Variants in VASP observed in about 807,000 individuals in gnomAD.
The protein encoded by VASP is vasodilator-stimulated phosphoprotein.
In VASP, 27 loss-of-function variants were observed where a neutral mutation model predicts 54.4. The ratio of observed to expected loss-of-function variants is 0.50; its 90% confidence interval spans 0.37 to 0.68. The LOEUF (loss-of-function observed/expected upper bound fraction) is 0.68. Among genes scored for constraint, VASP ranks in the 30% least tolerant of loss-of-function variants. The pLI is 0.00. For missense variants in VASP, 488 were observed against 528.3 expected (o/e 0.92, Z 0.75); for synonymous variants, 233 against 209.8 (o/e 1.11, Z -0.96).
At chr19:45,519,894 C>CCTTTT (rs1472794089) in intron 3 of VASP, among the ~76,000 whole-genome samples, 1 of 50,974 alleles carries the variant, frequency 2.0e-5, no homozygotes, top group Admixed American at 2.8e-4. Flanking sequence ...TGCGCCCGGC[C>CCTTTT]TTTTTTTTTT....
At chr19:45,513,085 T>A (rs1968632254) in intron 1 of VASP, among the ~76,000 whole-genome samples, 1 of 152,198 alleles carries the variant, frequency 6.6e-6, no homozygotes, top group Admixed American at 6.5e-5. Context: ...CCTCTGTGCC[T>A]GCAATTCCCC....
intron 1 of VASP, among the ~76,000 whole-genome samples, chr19:45,511,620 C>G (rs1417760943): frequency 1.3e-5 from 2 of 152,150 alleles, no homozygotes; most frequent in Non-Finnish European, 2.9e-5. Flanking sequence ...TGGAAATGGG[C>G]AGAACTCCTT....
At chr19:45,519,476 T>TA (rs1343775954) in intron 3 of VASP, among the ~76,000 whole-genome samples, 1 of 150,934 alleles carries the variant, frequency 6.6e-6, no homozygotes, top group Non-Finnish European at 1.5e-5. Flanking sequence ...TTTTTTTTTT[T>TA]ACTTTTTGTG....
Position 45,523,673 on chromosome 19 carries a change from C to A in VASP, c.851C>A (p.Thr284Asn). 6.2e-7 allele frequency: 1 copy of A among 1,614,046 alleles called. No individual in the cohort carries two copies. The highest frequency in any genetic ancestry group is 8.5e-7 in the Non-Finnish European group (1 of 1,180,014). Residue 284 changes from threonine (T) to asparagine (N), a missense_variant, in exon 8 of 13, where the codon ACC (threonine) becomes AAC (asparagine). Thr to Asn is a moderately conservative substitution (Grantham distance 65). Transcript: ENST00000245932. ...RRKATQVGEKTPKDESANQEE... is the reference protein window; with the variant it reads ...RRKATQVGEKNPKDESANQEE... Reference sequence around the variant, plus strand: ...AAAGCCACGCAAGTTGGGGAGAAAACCCCCAAGGATGAATCTGCCAATGTA... The same window carrying A: ...AAAGCCACGCAAGTTGGGGAGAAAAACCCCAAGGATGAATCTGCCAATGTA...
At chr19:45,514,773 C>T (rs2122298031) in intron 1 of VASP, among the ~76,000 whole-genome samples, 1 of 152,198 alleles carries the variant, frequency 6.6e-6, no homozygotes, top group East Asian at 1.9e-4. Flanking sequence ...CCTGCCTTGC[C>T]AGGGGCAGCA....
At chr19:45,511,767 A>T (rs1320456015) in intron 1 of VASP, among the ~76,000 whole-genome samples, 1 of 152,212 alleles carries the variant, frequency 6.6e-6, no homozygotes, top group African/African-American at 2.4e-5. Flanking sequence ...ATGATAAGAA[A>T]ACAAATAATA....
At chr19:45,509,517 CCCACCACCA>C (rs3038808) in intron 1 of VASP, among the ~76,000 whole-genome samples, 3 of 150,982 alleles carry the variant, frequency 2.0e-5, no homozygotes, top group Non-Finnish European at 4.4e-5. Flanking sequence ...CCCTGTCCTC[CCCACCACCA>C]CCACCACCAC....
At chr19:45,517,900 C>G in intron 2 of VASP, 29 bp from the exon 3 acceptor site, 1 of 1,596,038 alleles carries the variant, frequency 6.3e-7, no homozygotes, top group Non-Finnish European at 8.5e-7. Context: ...GCGCCCGCCG[C>G]CCCTCACCCC....
At chr19:45,521,742 T>C (rs1310335927) in intron 4 of VASP, among the ~76,000 whole-genome samples, 4 of 151,784 alleles carry the variant, frequency 2.6e-5, no homozygotes, top group Non-Finnish European at 5.9e-5. Context: ...TAACAAAAAT[T>C]AGCCGGTCAT....
At chr19:45,524,872 T>G in intron 11 of VASP, 2 of 474,816 alleles carry the variant, frequency 4.2e-6, no homozygotes, top group Non-Finnish European at 3.9e-6. Flanking sequence ...ACCGCGCTCA[T>G]TCCAGATGAG....
In VASP at chr19:45,524,185, C is replaced by A. The variant is rs1968909430; in HGVS notation, c.956+43C>A. 3 of 1,610,356 alleles carry A rather than the reference C, an allele frequency of 1.9e-6. No homozygotes were observed. In the East Asian group the frequency reaches 6.7e-5, roughly 36 times the overall value. ...GGGCCCTTGGGGAGGTAAAGGCGGG[C>A]AGATCGCTTGAGCCCAGGAGGTCAA... On this transcript the variant is annotated intron_variant, in intron 10 of 12. Transcript: ENST00000245932.
chr19:45,518,854 C>T (rs1012435178), intron 3 of VASP, among the ~76,000 whole-genome samples: 4 of 152,004 alleles, frequency 2.6e-5, no homozygotes, highest in Non-Finnish European at 5.9e-5. Flanking sequence ...TTTTTTGAGA[C>T]AGAGTCTTGC....
At chr19:45,523,905 G>A (rs1188421715) in intron 9 of VASP, 28 bp downstream of exon 9, 1 of 1,613,558 alleles carries the variant, frequency 6.2e-7, no homozygotes, top group African/African-American at 1.3e-5. Flanking sequence ...TCCAGCCACA[G>A]GAACTACAAA....
chr19:45,525,836 C>A, intron 11 of VASP, 110 bp from the exon 12 acceptor site: 1 of 1,108,904 alleles, frequency 9.0e-7, no homozygotes, highest in Non-Finnish European at 1.3e-6. Flanking sequence ...GCCATTGCAC[C>A]CTAGCCTGGG....
intron 3 of VASP, 117 bp downstream of exon 3, chr19:45,518,211 TATC>T (rs1032519121): frequency 1.9e-5 from 26 of 1,385,458 alleles, no homozygotes; most frequent in African/African-American, 1.7e-4. Flanking sequence ...AATTCATTGT[TATC>T]ATGGAAAATT....
Position 45,526,376 on chromosome 19 carries a change from G to T in VASP, c.*199G>T, listed in dbSNP as rs374733617. The T allele has an allele frequency of 1.5e-5, 9 of 610,006 alleles. No individual in the cohort carries two copies. In the African/African-American group the frequency reaches 1.5e-4, roughly 10 times the overall value. The allele number at this position is 610,006 out of a possible 1,614,324, so 37.8% of individuals were successfully genotyped here. On this transcript the variant is annotated 3_prime_UTR_variant, in exon 13 of 13. Coordinates refer to ENST00000245932, the MANE Select transcript of VASP (RefSeq NM_003370.4). ...CACTGGCTGCTGATTGGCTGGGGAGGCCCCCGCCCTTTTCTCCCTTTGGTC... is the reference window on the plus strand; with the variant it reads ...CACTGGCTGCTGATTGGCTGGGGAGTCCCCCGCCCTTTTCTCCCTTTGGTC...
At chr19:45,515,023 CTT>C (rs1341149279) in intron 1 of VASP, among the ~76,000 whole-genome samples, 3 of 152,170 alleles carry the variant, frequency 2.0e-5, no homozygotes, top group Non-Finnish European at 4.4e-5. Context: ...AAATGAGTGA[CTT>C]TGGGGGAGGG....
At chr19:45,525,564 T>TG (rs893433628) in intron 11 of VASP, among the ~76,000 whole-genome samples, 2 of 151,964 alleles carry the variant, frequency 1.3e-5, no homozygotes, top group African/African-American at 4.8e-5. Context: ...CTGGGCCTTG[T>TG]GGGGGGCACC....
In VASP at chr19:45,522,494, G is replaced by A. The variant is rs200872555; in HGVS notation, c.633G>A (p.Pro211=). 1.2e-4 allele frequency: 182 copies of A among 1,460,992 alleles called. 1 individual carries two copies. The African/African-American group carries it at 2.0e-3, about 16-fold the overall frequency. The allele number at this position is 1,460,992 out of a possible 1,614,324, so 90.5% of individuals were successfully genotyped here. ...GACCACCCCCTGCACCCCCTCTCCCGGCAGCACAGGGCCCTGGTGGTGGGG... is the reference window on the plus strand; with the variant it reads ...GACCACCCCCTGCACCCCCTCTCCCAGCAGCACAGGGCCCTGGTGGTGGGG... ...GGGPPPAPPL[P]AAQGPGGGGA... The change falls in exon 6 of 13, where the codon CCG becomes CCA. Residue 211 remains proline, a synonymous_variant. Transcript: ENST00000245932.
Sources: gnomAD v4.1 joint callset for allele counts (sites outside exome capture counted in the v4.1 genomes callset) on GRCh38, gnomAD v4.1.1 for gene constraint, MANE v1.5 for transcripts, NCBI Gene and HGNC (gene_info 2026-07-23, HGNC 2026-07-21) for gene names.